FAM13A: variants seen among roughly 807,000 people sequenced by gnomAD.
The protein encoded by FAM13A is protein FAM13A.
In FAM13A, 76 loss-of-function variants were observed where a neutral mutation model predicts 129.6. The observed-to-expected ratio is 0.59, with a 90% CI of 0.49 to 0.71. FAM13A has a LOEUF of 0.71. Among genes scored for constraint, FAM13A ranks in the 30% least tolerant of loss-of-function variants. The pLI, the probability that FAM13A is intolerant of heterozygous loss-of-function variation, is 0.00. For synonymous variants in FAM13A, 443 were observed against 449.9 expected (o/e 0.98, Z 0.20); for missense variants, 1,108 against 1,249.3 (o/e 0.89, Z 1.70).
At chr4:88,958,390 G>A (rs1364339728) in intron 4 of FAM13A, among the ~76,000 whole-genome samples, 1 of 152,120 alleles carries the variant, frequency 6.6e-6, no homozygotes, top group African/African-American at 2.4e-5. Context: ...TACAGCTTGA[G>A]CTGATACTTT....
intron 5 of FAM13A, among the ~76,000 whole-genome samples, chr4:88,926,523 A>G (rs997216117): frequency 6.6e-6 from 1 of 152,192 alleles, no homozygotes; most frequent in Non-Finnish European, 1.5e-5. Flanking sequence ...TCATAAGCAA[A>G]AGCAATTTAG....
chr4:88,751,949 G>A (rs1238478952), intron 14 of FAM13A, among the ~76,000 whole-genome samples: 1 of 152,116 alleles, frequency 6.6e-6, no homozygotes, highest in Non-Finnish European at 1.5e-5. Context: ...TATAAAATGT[G>A]CAAAACTATC....
intron 5 of FAM13A, among the ~76,000 whole-genome samples, chr4:88,924,098 G>T (rs1359246302): frequency 6.6e-6 from 1 of 152,164 alleles, no homozygotes; most frequent in Non-Finnish European, 1.5e-5. Flanking sequence ...TGGGTAGGAA[G>T]AATCAATATC....
intron 10 of FAM13A, 82 bp from the exon 11 acceptor site, chr4:88,781,433 C>T (rs1722837640): frequency 1.1e-6 from 1 of 945,024 alleles, no homozygotes; most frequent in East Asian, 2.7e-5. Context: ...CATATCATAC[C>T]TAGGAAATCC....
intron 5 of FAM13A, among the ~76,000 whole-genome samples, chr4:88,909,500 T>A (rs910124596): frequency 2.2e-4 from 33 of 152,014 alleles, no homozygotes; most frequent in African/African-American, 6.3e-4. Flanking sequence ...TTTATTTTTT[T>A]TTTTTGAGAT....
At chr4:88,927,544 G>A (rs1752408567) in intron 5 of FAM13A, among the ~76,000 whole-genome samples, 1 of 144,388 alleles carries the variant, frequency 6.9e-6, no homozygotes, top group Non-Finnish European at 1.5e-5. Context: ...TCTACTTATT[G>A]TTGGTCTGTT....
chr4:88,927,418 C>T (rs1361422775), intron 5 of FAM13A, among the ~76,000 whole-genome samples: 4 of 147,874 alleles, frequency 2.7e-5, no homozygotes, highest in South Asian at 2.1e-4. Flanking sequence ...ACTTACTCTA[C>T]TCCAATTTGG....
chr4:88,913,374 A>AGAG (rs201023549), intron 5 of FAM13A, among the ~76,000 whole-genome samples: 1 of 147,192 alleles, frequency 6.8e-6, no homozygotes, highest in Non-Finnish European at 1.5e-5. Flanking sequence ...AAGAGGAAGA[A>AGAG]GAGGAGGAGG....
In FAM13A at chr4:88,738,982, T is replaced by C. The variant is rs1350432267; in HGVS notation, c.2562+48A>G. 7 of 1,220,986 alleles carry C rather than the reference T, an allele frequency of 5.7e-6. No homozygotes were observed. In the East Asian group the frequency reaches 1.4e-4, roughly 24 times the overall value. 75.6% of individuals were successfully genotyped at this position (1,220,986 alleles called of 1,614,324 possible). A position where few individuals can be genotyped will look rare whatever the true frequency, so the allele number is the denominator to read the frequency against. On this transcript the variant is annotated intron_variant, in intron 20 of 23. Transcript: ENST00000264344. ...GCCCTATTCATATATCCAGGGCCCA[T>C]TCAAGCGGAAAGGTGTTGTACCAGC...
At chr4:89,009,776 A>C (rs574953191) in intron 3 of FAM13A, among the ~76,000 whole-genome samples, 1 of 152,364 alleles carries the variant, frequency 6.6e-6, no homozygotes, top group Non-Finnish European at 1.5e-5. Context: ...TTGACAAACC[A>C]GTCCAGGGAG....
At chr4:88,966,888 A>G (rs1759427476) in intron 4 of FAM13A, among the ~76,000 whole-genome samples, 1 of 152,216 alleles carries the variant, frequency 6.6e-6, no homozygotes, top group African/African-American at 2.4e-5. Context: ...TCTCTTCAGT[A>G]TTCTTGAACT....
chr4:88,911,207 T>C (rs2150256030), intron 5 of FAM13A, among the ~76,000 whole-genome samples: 1 of 152,302 alleles, frequency 6.6e-6, no homozygotes, highest in East Asian at 1.9e-4. Flanking sequence ...ACCCTTAATT[T>C]CTTTCCTCCA....
At chr4:88,921,795 T>A (rs949509093) in intron 5 of FAM13A, among the ~76,000 whole-genome samples, 1 of 152,082 alleles carries the variant, frequency 6.6e-6, no homozygotes, top group Admixed American at 6.5e-5. Context: ...TGTGCTGTAT[T>A]CAGGAAACCC....
intron 6 of FAM13A, among the ~76,000 whole-genome samples, chr4:88,889,893 G>T (rs907899619): frequency 4.6e-5 from 7 of 152,114 alleles, no homozygotes; most frequent in African/African-American, 1.7e-4. Context: ...CTATAATGGG[G>T]ATGTTTGTTA....
intron 10 of FAM13A, among the ~76,000 whole-genome samples, chr4:88,786,858 T>C (rs1206742080): frequency 6.6e-6 from 1 of 151,864 alleles, no homozygotes; most frequent in South Asian, 2.1e-4. Flanking sequence ...ATGAGGGGTG[T>C]GGGACTATTA....
intron 3 of FAM13A, among the ~76,000 whole-genome samples, chr4:88,992,071 C>A (rs143578782): frequency 6.6e-6 from 1 of 152,120 alleles, no homozygotes; most frequent in Non-Finnish European, 1.5e-5. Context: ...AATTTTCCAC[C>A]CACTGACTGC....
intron 7 of FAM13A, among the ~76,000 whole-genome samples, chr4:88,828,482 G>T (rs774314725): frequency 6.6e-6 from 1 of 152,050 alleles, no homozygotes; most frequent in Non-Finnish European, 1.5e-5. Context: ...CCTTTGTATC[G>T]ATGATGATTT....
intron 1 of FAM13A, among the ~76,000 whole-genome samples, chr4:89,048,344 ATAT>A (rs1407292487): frequency 2.0e-5 from 3 of 152,194 alleles, no homozygotes; most frequent in African/African-American, 7.2e-5. Context: ...AACCTCAAAA[ATAT>A]TATGCTAAGT....
At chr4:89,013,949 G>A (rs1304315744) in intron 3 of FAM13A, among the ~76,000 whole-genome samples, 1 of 152,156 alleles carries the variant, frequency 6.6e-6, no homozygotes, top group Admixed American at 6.5e-5. Context: ...TAATCGGCAT[G>A]TCTAAATGTT....
Sources: gnomAD v4.1 joint callset for allele counts (sites outside exome capture counted in the v4.1 genomes callset) on GRCh38, gnomAD v4.1.1 for gene constraint, MANE v1.5 for transcripts, NCBI Gene and HGNC (gene_info 2026-07-23, HGNC 2026-07-21) for gene names.